MTUS2: variants seen among roughly 807,000 people sequenced by gnomAD.
MTUS2 encodes the protein microtubule associated scaffold protein 2.
MTUS2 carries 40 observed loss-of-function variants against 114.1 expected under a neutral mutation model. That is an observed-to-expected ratio of 0.35 (90% CI 0.27 to 0.46). The LOEUF (loss-of-function observed/expected upper bound fraction) is 0.46, where lower values mean the gene tolerates loss of function less well. Ranked by LOEUF, MTUS2 falls within the 20% of genes least tolerant of loss-of-function variation. The probability of loss-of-function intolerance (pLI) is 1.00; values close to 1 mark genes in which losing one functional copy is unlikely to be tolerated. For synonymous variants in MTUS2, 688 were observed against 672.0 expected, an observed-to-expected ratio of 1.02 and a Z score of -0.37; for missense variants, 1,679 against 1,705.4, an observed-to-expected ratio of 0.98 and a Z score of 0.27.
At chr13:29,004,034 G>A (rs1429929585) in intron 2 of MTUS2, among the ~76,000 whole-genome samples, 2 of 152,138 alleles carry the variant, frequency 1.3e-5, no homozygotes, top group Non-Finnish European at 2.9e-5. Context: ...CTACTTTTAT[G>A]GAGTGTAGGT....
intron 5 of MTUS2, among the ~76,000 whole-genome samples, chr13:29,140,721 T>C: frequency 6.6e-6 from 1 of 152,218 alleles, no homozygotes; most frequent in Non-Finnish European, 1.5e-5. Flanking sequence ...AAATCACCTC[T>C]TCCTCTGTTG....
intron 2 of MTUS2, among the ~76,000 whole-genome samples, chr13:28,845,449 A>G (rs1370671305): frequency 6.6e-6 from 1 of 152,204 alleles, no homozygotes; most frequent in African/African-American, 2.4e-5. Context: ...GGGAAGTAGA[A>G]TTCTTTTTCT....
intron 4 of MTUS2, among the ~76,000 whole-genome samples, chr13:29,044,228 A>T (rs1593415512): frequency 2.0e-5 from 3 of 151,554 alleles, no homozygotes; most frequent in African/African-American, 2.4e-5. Flanking sequence ...CCAAGCTGGC[A>T]TTTTTTTTCT....
chr13:29,298,828 G>T (rs1544309), intron 6 of MTUS2, among the ~76,000 whole-genome samples: 2 of 151,944 alleles, frequency 1.3e-5, no homozygotes, highest in African/African-American at 4.8e-5. Context: ...GCTCTTGTTC[G>T]CTTGGGAGTG....
At chr13:29,110,748 C>T (rs372176825) in intron 5 of MTUS2, among the ~76,000 whole-genome samples, 50 of 152,166 alleles carry the variant, frequency 3.3e-4, no homozygotes, top group African/African-American at 1.2e-3. Flanking sequence ...CCTAGTTTAT[C>T]CACCTTAACT....
In MTUS2 at chr13:29,480,415, G is replaced by A; in HGVS notation, c.3399+51G>A. The stretch of plus-strand genomic sequence containing the variant: ...CTGCTGTTGGGTGATGCAGGTGGCG[G>A]GCGGCGGGGATCCAGTGCCACATTA... On this transcript the variant is annotated intron_variant, in intron 10 of 15. Transcript: ENST00000612955. This position sits in a 1 kb window ranked among gnomAD's most constrained non-coding sequence, Gnocchi z 4.4. 6.8e-7 allele frequency: 1 copy of A among 1,461,454 alleles called. No homozygotes were observed. Among genetic ancestry groups the A allele is most frequent in the Non-Finnish European group, 9.1e-7 (1 of 1,102,922 alleles). 90.5% of individuals were successfully genotyped at this position (1,461,454 alleles called of 1,614,324 possible). A position where few individuals can be genotyped will look rare whatever the true frequency, so the allele number is the denominator to read the frequency against.
At chr13:28,976,778 TCA>T (rs1884127923) in intron 2 of MTUS2, among the ~76,000 whole-genome samples, 1 of 152,224 alleles carries the variant, frequency 6.6e-6, no homozygotes, top group Non-Finnish European at 1.5e-5. Context: ...TTAGGAAGCA[TCA>T]GGAAGCTTTA....
intron 2 of MTUS2, among the ~76,000 whole-genome samples, chr13:28,954,105 ATATC>A (rs1317796685): frequency 6.6e-6 from 1 of 152,244 alleles, no homozygotes; most frequent in East Asian, 1.9e-4. Flanking sequence ...TATTTAAAAT[ATATC>A]TACTTTTTAA....
chr13:28,912,063 A>G (rs1880471651), intron 2 of MTUS2, among the ~76,000 whole-genome samples: 1 of 152,032 alleles, frequency 6.6e-6, no homozygotes, highest in Non-Finnish European at 1.5e-5. Flanking sequence ...AGTTTTTGTC[A>G]TGAAATCTTT....
chr13:28,878,591 TTTC>T (rs1309452970), intron 2 of MTUS2, among the ~76,000 whole-genome samples: 5 of 152,190 alleles, frequency 3.3e-5, no homozygotes, highest in Non-Finnish European at 5.9e-5. Context: ...GGTGTTTGGT[TTTC>T]TGTTCCTGCA....
At chr13:29,353,509 C>T (rs1869474995) in intron 7 of MTUS2, among the ~76,000 whole-genome samples, 1 of 152,030 alleles carries the variant, frequency 6.6e-6, no homozygotes, top group Non-Finnish European at 1.5e-5. Flanking sequence ...CTGTGTTGCC[C>T]AGATTGGTCT....
intron 5 of MTUS2, among the ~76,000 whole-genome samples, chr13:29,137,560 CTTCTTTG>C (rs1272347953): frequency 6.6e-5 from 10 of 151,770 alleles, no homozygotes; most frequent in South Asian, 2.1e-4. Flanking sequence ...TTTCTTCTTT[CTTCTTTG>C]TTCTTTCTTC....
chr13:28,922,088 TAGTG>T (rs1881074062), intron 2 of MTUS2, among the ~76,000 whole-genome samples: 1 of 152,174 alleles, frequency 6.6e-6, no homozygotes, highest in Non-Finnish European at 1.5e-5. Flanking sequence ...GTTTTCATGA[TAGTG>T]AGTGAGTTCT....
At chr13:29,442,634 A>ACATGGTATCCGC (rs11273920) in intron 9 of MTUS2, among the ~76,000 whole-genome samples, 3,971 of 152,262 alleles carry the variant, frequency 0.026, 139 homozygotes, top group African/African-American at 0.089. Context: ...CCAAACCAGC[A>ACATGGTATCCGC]CAGGGAGGCA....
In MTUS2 at chr13:29,290,503, T is replaced by G. The variant is rs189887504; in HGVS notation, c.2806+8638T>G. Among the ~76,000 whole-genome samples, 408 of 152,076 alleles carry G rather than the reference T, an allele frequency of 2.7e-3. 1 individual carries two copies. Among genetic ancestry groups the G allele is most frequent in the Non-Finnish European group, 4.4e-3 (296 of 67,974 alleles). ...TGCCACCACGCCTGGCTAATTTTTT[T>G]GTATTTTTAGTAGAGACAGGGTTTC... On this transcript the variant is annotated intron_variant, in intron 6 of 15. Transcript: ENST00000612955.
At chr13:28,912,750 A>T (rs1431335940) in intron 2 of MTUS2, among the ~76,000 whole-genome samples, 1 of 151,994 alleles carries the variant, frequency 6.6e-6, no homozygotes, top group African/African-American at 2.4e-5. Context: ...GCTTAGCTGT[A>T]TTCCTAGGTA....
At chr13:29,433,442 C>T (rs1877160348) in intron 8 of MTUS2, among the ~76,000 whole-genome samples, 1 of 151,998 alleles carries the variant, frequency 6.6e-6, no homozygotes, top group African/African-American at 2.4e-5. Flanking sequence ...ACACAGAGGC[C>T]CTAGTGTTAA....
intron 5 of MTUS2, among the ~76,000 whole-genome samples, chr13:29,123,430 C>G (rs1258274042): frequency 6.6e-6 from 1 of 151,976 alleles, no homozygotes; most frequent in African/African-American, 2.4e-5. Context: ...AAAACACAAA[C>G]CTTTGGGTGG....
At chr13:28,872,699 A>G (rs762009705) in intron 2 of MTUS2, among the ~76,000 whole-genome samples, 12 of 152,148 alleles carry the variant, frequency 7.9e-5, no homozygotes, top group Non-Finnish European at 1.8e-4. Context: ...TCACTCACAC[A>G]TTGCCTCCTC....
Sources: allele counts gnomAD v4.1 joint callset (sites outside exome capture counted in the v4.1 genomes callset), GRCh38; gene constraint gnomAD v4.1.1; non-coding constraint Gnocchi (gnomAD v3.1); transcripts MANE v1.5; gene names NCBI Gene and HGNC (gene_info 2026-07-23, HGNC 2026-07-21).